Variants in FAM227B observed in about 807,000 individuals in gnomAD.
FAM227B encodes the protein family with sequence similarity 227 member B.
FAM227B carries 88 observed loss-of-function variants against 73.8 expected under a neutral mutation model. The ratio of observed to expected loss-of-function variants is 1.19; its 90% CI spans 1.00 to 1.42. FAM227B has a LOEUF of 1.42. Among genes scored for constraint, FAM227B ranks in the 40% most tolerant of loss-of-function variants. FAM227B has a pLI of 0.00. For missense variants in FAM227B, 632 were observed against 590.9 expected, an observed-to-expected ratio of 1.07 and a Z score of -0.72; for synonymous variants, 210 against 190.5, an observed-to-expected ratio of 1.10 and a Z score of -0.84.
chr15:49,608,114 A>C, intron 3 of FAM227B, among the ~76,000 whole-genome samples: 1 of 152,166 alleles, frequency 6.6e-6, no homozygotes, highest in East Asian at 1.9e-4. Context: ...ATATTAATTA[A>C]AAGTAAATAA....
intron 10 of FAM227B, among the ~76,000 whole-genome samples, chr15:49,513,323 T>C (rs2059148451): frequency 6.6e-6 from 1 of 152,254 alleles, no homozygotes; most frequent in Non-Finnish European, 1.5e-5. Context: ...GGTATCTTAC[T>C]GTGGCTTTGA....
chr15:49,363,203 T>C (rs2044549587), intron 13 of FAM227B, among the ~76,000 whole-genome samples: 1 of 152,234 alleles, frequency 6.6e-6, no homozygotes, highest in African/African-American at 2.4e-5. Context: ...AATCTGTAAA[T>C]TGCTTTGGGC....
At chr15:49,475,520 T>C (rs1254288603) in intron 11 of FAM227B, among the ~76,000 whole-genome samples, 1 of 152,162 alleles carries the variant, frequency 6.6e-6, no homozygotes, top group Non-Finnish European at 1.5e-5. Flanking sequence ...AATATTAAGA[T>C]AGTGACAGTA....
At chr15:49,476,225 G>T (rs56159203) in intron 11 of FAM227B, among the ~76,000 whole-genome samples, 13,838 of 82,232 alleles carry the variant, frequency 0.17, 1,595 homozygotes, top group Non-Finnish European at 0.25. Flanking sequence ...TTGTTTTTTT[G>T]TTTTTGGTTT....
At chr15:49,508,464 C>T (rs1245186865) in intron 10 of FAM227B, 116 bp from the exon 11 acceptor site, 1 of 885,150 alleles carries the variant, frequency 1.1e-6, no homozygotes, top group Non-Finnish European at 1.6e-6. Flanking sequence ...AAAAAAGTTC[C>T]TTTTTTGTTC....
chr15:49,559,147 A>G (rs2074024591), intron 9 of FAM227B, among the ~76,000 whole-genome samples: 1 of 152,272 alleles, frequency 6.6e-6, no homozygotes, highest in East Asian at 1.9e-4. Flanking sequence ...GCCCTGGAAC[A>G]ATTGTGTAAT....
At chr15:49,445,410 T>C (rs991371436) in intron 11 of FAM227B, among the ~76,000 whole-genome samples, 2 of 151,642 alleles carry the variant, frequency 1.3e-5, no homozygotes, top group African/African-American at 4.8e-5. Context: ...ATTTTTATCA[T>C]GCTAAATTTT....
In FAM227B at chr15:49,327,320, G is replaced by A. The variant is rs1364899693; in HGVS notation, c.*1248C>T. On this transcript the variant is annotated 3_prime_UTR_variant, in exon 16 of 16. Transcript: ENST00000299338. ...TCTAGGGACTGCCCTCTGCTTTGTG[G>A]AAAGGCTTGGTTAATTTTCCATTAG... The A allele has an allele frequency of 6.6e-6, 1 of 152,172 alleles. No homozygotes were observed. The highest frequency in any genetic ancestry group is 1.5e-5 in the Non-Finnish European group (1 of 68,040). The allele number at this position is 152,172 out of a possible 1,614,324, so 9.4% of individuals were successfully genotyped here. A position where few individuals can be genotyped will look rare whatever the true frequency, so the allele number is the denominator to read the frequency against.
At chr15:49,355,264 A>G (rs2042946712) in intron 13 of FAM227B, among the ~76,000 whole-genome samples, 1 of 152,244 alleles carries the variant, frequency 6.6e-6, no homozygotes, top group South Asian at 2.1e-4. Flanking sequence ...AGCTCAGAGA[A>G]GAAGGCTTCA....
At chr15:49,356,309 A>G (rs2043158520) in intron 13 of FAM227B, among the ~76,000 whole-genome samples, 1 of 151,320 alleles carries the variant, frequency 6.6e-6, no homozygotes, top group African/African-American at 2.4e-5. Flanking sequence ...AAGAGTCAAG[A>G]CCCATCAGTG....
chr15:49,538,314 C>T (rs1460887403), intron 10 of FAM227B, among the ~76,000 whole-genome samples: 2 of 152,170 alleles, frequency 1.3e-5, no homozygotes. Flanking sequence ...ACAAGGACAG[C>T]TCAGCCAAGC....
chr15:49,504,294 G>T (rs1244258566), intron 11 of FAM227B, among the ~76,000 whole-genome samples: 1 of 112,680 alleles, frequency 8.9e-6, no homozygotes, highest in African/African-American at 3.4e-5. Flanking sequence ...GGGGAGGGGG[G>T]AGGGATAGCA....
intron 11 of FAM227B, among the ~76,000 whole-genome samples, chr15:49,397,248 C>T (rs1457507238): frequency 5.3e-5 from 8 of 151,910 alleles, no homozygotes; most frequent in African/African-American, 1.9e-4. Context: ...AGGGTATCAG[C>T]CATGGAAGAT....
intron 9 of FAM227B, among the ~76,000 whole-genome samples, chr15:49,549,382 G>C (rs1245440343): frequency 1.3e-5 from 2 of 149,796 alleles, no homozygotes; most frequent in African/African-American, 5.0e-5. Context: ...AGGGGGATTT[G>C]GCAGGGTCAT....
At chr15:49,596,883 T>C (rs745333546) in intron 3 of FAM227B, among the ~76,000 whole-genome samples, 2 of 151,936 alleles carry the variant, frequency 1.3e-5, no homozygotes, top group Non-Finnish European at 2.9e-5. Context: ...AGAGGGACAT[T>C]ATATAATGAT....
rs758979146 is a variant in FAM227B, at chr15:49,344,409, A to T, written c.1272-8913T>A. ...GTTTGCAAAAGGTTACACTGAATGT[A>T]CATACCTAAGGTGCTCTATTTCTCT... On this transcript the variant is annotated intron_variant, in intron 13 of 15. Coordinates refer to ENST00000299338, the MANE Select transcript of FAM227B (RefSeq NM_152647.3). Among the ~76,000 whole-genome samples, 15 of 152,246 alleles carry T rather than the reference A, an allele frequency of 9.9e-5. 1 individual carries two copies. Among genetic ancestry groups the T allele is most frequent in the Admixed American group, 2.0e-4 (3 of 15,288 alleles).
At chr15:49,546,961 G>C (rs1251456943) in intron 9 of FAM227B, among the ~76,000 whole-genome samples, 2 of 152,068 alleles carry the variant, frequency 1.3e-5, no homozygotes, top group African/African-American at 2.4e-5. Flanking sequence ...AGAAGAGCAA[G>C]TCCAAGACAC....
intron 9 of FAM227B, among the ~76,000 whole-genome samples, chr15:49,562,991 T>C (rs1267652093): frequency 1.3e-5 from 2 of 152,094 alleles, no homozygotes; most frequent in Admixed American, 1.3e-4. Flanking sequence ...CTGGAAGTCC[T>C]AGCCAGAGCA....
chr15:49,366,288 C>T (rs2045173945), intron 13 of FAM227B: 2 of 788,182 alleles, frequency 2.5e-6, no homozygotes. Flanking sequence ...AGTATTTTCA[C>T]ATCAGGAAAT....
Sources: gnomAD v4.1 joint callset for allele counts (sites outside exome capture counted in the v4.1 genomes callset) on GRCh38, gnomAD v4.1.1 for gene constraint, MANE v1.5 for transcripts, NCBI Gene and HGNC (gene_info 2026-07-23, HGNC 2026-07-21) for gene names.